The following PCOLCE2 variants were observed in gnomAD, a reference collection of about 807,000 sequenced individuals.
PCOLCE2 encodes the protein procollagen C-endopeptidase enhancer 2.
Under a neutral mutation model 47.0 loss-of-function variants are expected in PCOLCE2, and 42 were observed. The ratio of observed to expected loss-of-function variants is 0.89; its 90% CI spans 0.70 to 1.16. The LOEUF (loss-of-function observed/expected upper bound fraction) is 1.16. Among genes scored for constraint, PCOLCE2 ranks in the 50% most tolerant of loss-of-function variants. The probability of loss-of-function intolerance (pLI) is 0.00; values close to 1 mark genes in which losing one functional copy is unlikely to be tolerated. For synonymous variants in PCOLCE2, 169 were observed against 191.7 expected, an observed-to-expected ratio of 0.88 and a Z score of 0.98; for missense variants, 500 against 526.1, an observed-to-expected ratio of 0.95 and a Z score of 0.49.
intron 2 of PCOLCE2, among the ~76,000 whole-genome samples, chr3:142,879,800 T>G (rs2108211542): frequency 6.6e-6 from 1 of 150,758 alleles, no homozygotes; most frequent in East Asian, 1.9e-4. Context: ...AAACCCCGCC[T>G]CTACTAAAAA....
At chr3:142,822,398 C>T (rs1036386080) in intron 7 of PCOLCE2, among the ~76,000 whole-genome samples, 1 of 152,070 alleles carries the variant, frequency 6.6e-6, no homozygotes, top group African/African-American at 2.4e-5. Context: ...TAAGCGGTCA[C>T]ATTAATGGAA....
intron 5 of PCOLCE2, among the ~76,000 whole-genome samples, chr3:142,834,901 G>A (rs1006960358): frequency 6.6e-6 from 1 of 152,052 alleles, no homozygotes; most frequent in Non-Finnish European, 1.5e-5. Flanking sequence ...AGAAATGTCT[G>A]TACCTCAAAT....
intron 2 of PCOLCE2, among the ~76,000 whole-genome samples, chr3:142,862,770 C>T (rs1933204114): frequency 6.6e-6 from 1 of 152,104 alleles, no homozygotes; most frequent in South Asian, 2.1e-4. Flanking sequence ...TGAAAGACAG[C>T]TATACTACCA....
At chr3:142,848,091 T>C (rs769017652) in intron 3 of PCOLCE2, 126 bp downstream of exon 3, 4 of 890,516 alleles carry the variant, frequency 4.5e-6, no homozygotes, top group Admixed American at 5.5e-5. Context: ...GGTCTCATCA[T>C]GGTTTGATGG....
intron 6 of PCOLCE2, among the ~76,000 whole-genome samples, chr3:142,824,416 G>A (rs776177347): frequency 3.9e-5 from 6 of 152,084 alleles, no homozygotes; most frequent in Non-Finnish European, 5.9e-5. Flanking sequence ...ATAGTGCTGA[G>A]GTAGAGAAAC....
intron 4 of PCOLCE2, among the ~76,000 whole-genome samples, chr3:142,840,841 C>A (rs889208912): frequency 2.0e-5 from 3 of 151,906 alleles, no homozygotes; most frequent in Non-Finnish European, 4.4e-5. Context: ...TTTGGGAGGC[C>A]GAGGCAGGCA....
Position 142,819,820 on chromosome 3 carries a change from T to A in PCOLCE2, c.1117+1058A>T, listed in dbSNP as rs1039609161. On this transcript the variant is annotated intron_variant, in intron 8 of 8. Transcript: ENST00000295992. ...ACCACCACACCCGGCTAAATTTTTT[T>A]ATTTTTAGTAGAGCAGAGGTCTCAC... Among the ~76,000 whole-genome samples, 3 of 152,074 alleles carry A rather than the reference T, an allele frequency of 2.0e-5. No individual in the cohort carries two copies. In the East Asian group the frequency reaches 5.8e-4, roughly 29 times the overall value.
Position 142,829,682 on chromosome 3 carries a change from GA to G in PCOLCE2, c.865+9del. On this transcript the variant is annotated intron_variant, in intron 6 of 8. Coordinates refer to ENST00000295992, the MANE Select transcript of PCOLCE2 (RefSeq NM_013363.4). ...AGTTTTTGCACAAACTTCCAAACAGGAAAACTTACCCGTGGTTACAGGGAAT... is the reference window on the plus strand; with the variant it reads ...AGTTTTTGCACAAACTTCCAAACAGGAAACTTACCCGTGGTTACAGGGAAT... 6.4e-7 allele frequency: 1 copy of G among 1,552,894 alleles called. No individual in the cohort carries two copies. The highest frequency in any genetic ancestry group is 8.7e-7 in the Non-Finnish European group (1 of 1,151,558).
At chr3:142,881,976 C>T (rs1933630693) in intron 2 of PCOLCE2, among the ~76,000 whole-genome samples, 1 of 152,054 alleles carries the variant, frequency 6.6e-6, no homozygotes, top group African/African-American at 2.4e-5. Context: ...CATTCTCCTC[C>T]CATTTCTGTC....
At position 142,887,756 on chromosome 3, in the gene PCOLCE2, GCCA is replaced by G. The variant is rs1933741955; in HGVS notation, c.102_104del (p.Gly35del). 7 of 1,599,902 alleles carry G rather than the reference GCCA, an allele frequency of 4.4e-6. No individual in the cohort carries two copies. Among genetic ancestry groups the G allele is most frequent in the East Asian group, 2.2e-5 (1 of 44,786 alleles). On this transcript the variant is annotated inframe_deletion, in exon 2 of 9. Transcript: ENST00000295992. ...TAAATCCAGACTCTCCAGTAAGAAT[GCCA>G]CCACATGTGAAAACAGGTCTGGGAA... is the stretch of plus-strand genomic sequence containing the variant.
intron 8 of PCOLCE2, among the ~76,000 whole-genome samples, chr3:142,819,978 CTGTG>C (rs1278912182): frequency 6.6e-6 from 1 of 151,924 alleles, no homozygotes; most frequent in Non-Finnish European, 1.5e-5. Context: ...CTCTCTCTCT[CTGTG>C]TGTATGTGTG....
At position 142,852,841 on chromosome 3, in the gene PCOLCE2, A is replaced by G. The variant is rs1932977652; in HGVS notation, c.193-4369T>C. On this transcript the variant is annotated intron_variant, in intron 2 of 8. Transcript: ENST00000295992. ...AATTAACAAAAATGGTGCCAGGCTC[A>G]TGCTTGTAATCTTAATACTTTGGGA... 2.0e-5 allele frequency among the ~76,000 whole-genome samples: 3 copies of G among 151,580 alleles called. No homozygotes were observed. In the South Asian group the frequency reaches 6.2e-4, roughly 31 times the overall value.
chr3:142,862,040 G>A (rs957595507), intron 2 of PCOLCE2, among the ~76,000 whole-genome samples: 1 of 152,090 alleles, frequency 6.6e-6, no homozygotes, highest in South Asian at 2.1e-4. Flanking sequence ...GCCACACCTG[G>A]GCCTGACCTC....
chr3:142,886,938 C>CCAAT lies in PCOLCE2; in HGVS notation c.192+730_192+731insATTG, dbSNP rs1933727297. Reference sequence around the variant, plus strand: ...CTGAAAGAAGCTCTCAGTGAACCAACGTATTCAATTACTAAACAACTTCCC... The same window carrying CCAAT: ...CTGAAAGAAGCTCTCAGTGAACCAACCAATGTATTCAATTACTAAACAACTTCCC... On this transcript the variant is annotated intron_variant, in intron 2 of 8. Transcript: ENST00000295992. 3.3e-5 allele frequency among the ~76,000 whole-genome samples: 5 copies of CCAAT among 152,226 alleles called. No homozygotes were observed. The South Asian group carries it at 8.3e-4, about 25-fold the overall frequency.
At chr3:142,877,835 G>A (rs762932367) in intron 2 of PCOLCE2, among the ~76,000 whole-genome samples, 1 of 152,062 alleles carries the variant, frequency 6.6e-6, no homozygotes, top group African/African-American at 2.4e-5. Context: ...TCCTTACCTC[G>A]CCCAGCCCCA....
chr3:142,868,072 G>A (rs1933316935), intron 2 of PCOLCE2, among the ~76,000 whole-genome samples: 1 of 152,126 alleles, frequency 6.6e-6, no homozygotes, highest in African/African-American at 2.4e-5. Context: ...TAATTCTTTT[G>A]TTTCTCCCAT....
Position 142,870,299 on chromosome 3 carries a change from T to C in PCOLCE2, c.192+17370A>G, listed in dbSNP as rs75516968. 9.8e-3 allele frequency among the ~76,000 whole-genome samples: 1,486 copies of C among 152,320 alleles called. 26 individuals carry two copies. Among genetic ancestry groups the C allele is most frequent in the African/African-American group, 0.034 (1,425 of 41,576 alleles). ...TTATGTAAAATGTTAGGTTGACGGA[T>C]AGATCACACTCGAGATCTAAAAAGT... On this transcript the variant is annotated intron_variant, in intron 2 of 8. Transcript: ENST00000295992.
At position 142,878,721 on chromosome 3, in the gene PCOLCE2, G is replaced by C. The variant is rs144735749; in HGVS notation, c.192+8948C>G. ...AATACAAAAATTATCCAGGCGTGAT[G>C]GTGGGTGCCTCTAGTCCCAGCTACT... On this transcript the variant is annotated intron_variant, in intron 2 of 8. Coordinates refer to ENST00000295992, the MANE Select transcript of PCOLCE2 (RefSeq NM_013363.4). Among the ~76,000 whole-genome samples, 22 of 152,250 alleles carry C rather than the reference G, an allele frequency of 1.4e-4. No homozygotes were observed. In the East Asian group the frequency reaches 4.1e-3, roughly 28 times the overall value.
chr3:142,885,265 C>T (rs1157276934), intron 2 of PCOLCE2, among the ~76,000 whole-genome samples: 1 of 152,188 alleles, frequency 6.6e-6, no homozygotes, highest in Non-Finnish European at 1.5e-5. Flanking sequence ...TTTGGACGAA[C>T]AGAATGGGAG....
Sources: allele counts gnomAD v4.1 joint callset (sites outside exome capture counted in the v4.1 genomes callset), GRCh38; gene constraint gnomAD v4.1.1; transcripts MANE v1.5; gene names NCBI Gene and HGNC (gene_info 2026-07-23, HGNC 2026-07-21).